TUSC3: variants seen among roughly 807,000 people sequenced by gnomAD.
TUSC3 encodes dolichyl-diphosphooligosaccharide--protein glycosyltransferase subunit TUSC3.
TUSC3 carries 45 observed loss-of-function variants against 44.8 expected under a neutral mutation model. That is an observed-to-expected ratio of 1.00 (90% CI 0.79 to 1.29). TUSC3 has a LOEUF of 1.29. Ranked by LOEUF, TUSC3 falls within the 50% of genes most tolerant of loss-of-function variation. TUSC3 has a pLI of 0.00. For missense variants in TUSC3, 519 were observed against 437.9 expected (o/e 1.19, Z -1.65); for synonymous variants, 212 against 152.9 (o/e 1.39, Z -2.85).
chr8:15,814,374 T>C, the TUSC3 span, among the ~76,000 whole-genome samples: 4 of 152,198 alleles, frequency 2.6e-5, no homozygotes, highest in African/African-American at 9.6e-5. Flanking sequence ...AAAAAAATCA[T>C]ATTTGAATAT....
At chr8:15,781,488 G>A in the TUSC3 span, among the ~76,000 whole-genome samples, 1 of 152,112 alleles carries the variant, frequency 6.6e-6, no homozygotes, top group Non-Finnish European at 1.5e-5. Flanking sequence ...CAAGGGAAAA[G>A]CAACTTGTTA....
intron 6 of TUSC3, among the ~76,000 whole-genome samples, chr8:15,682,838 G>T (rs1237767611): frequency 8.7e-5 from 13 of 150,050 alleles, no homozygotes; most frequent in African/African-American, 2.9e-4. Flanking sequence ...GCTGTTGTAA[G>T]GCCAGTCTTG....
the TUSC3 span, among the ~76,000 whole-genome samples, chr8:15,777,196 C>A: frequency 6.6e-6 from 1 of 152,056 alleles, no homozygotes; most frequent in Non-Finnish European, 1.5e-5. Context: ...TTCCAACTTC[C>A]AATCATATCA....
At chr8:15,848,211 G>A in the TUSC3 span, among the ~76,000 whole-genome samples, 8 of 152,210 alleles carry the variant, frequency 5.3e-5, no homozygotes, top group East Asian at 1.9e-4. Context: ...ATGGATCAAC[G>A]ACCTGCTTTC....
chr8:15,677,741 C>A (rs762494560), intron 6 of TUSC3, among the ~76,000 whole-genome samples: 1 of 152,110 alleles, frequency 6.6e-6, no homozygotes, highest in African/African-American at 2.4e-5. Flanking sequence ...CTACCAGGGC[C>A]AAGCCAGCAG....
chr8:15,479,823 A>G (rs1320183923), intron 1 of TUSC3, among the ~76,000 whole-genome samples: 1 of 152,206 alleles, frequency 6.6e-6, no homozygotes, highest in East Asian at 1.9e-4. Context: ...AGAGAAAGAA[A>G]TAAAGCGTAT....
At chr8:15,671,732 G>C (rs757875797) in intron 5 of TUSC3, among the ~76,000 whole-genome samples, 1 of 151,992 alleles carries the variant, frequency 6.6e-6, no homozygotes, top group Non-Finnish European at 1.5e-5. Context: ...GCTTCCTAAT[G>C]ACAGTTTTCT....
At chr8:15,603,341 A>C (rs1162021154) in intron 1 of TUSC3, among the ~76,000 whole-genome samples, 10 of 151,740 alleles carry the variant, frequency 6.6e-5, no homozygotes, top group Admixed American at 6.6e-4. Flanking sequence ...TCCTGGCAAC[A>C]GAATGCAAAA....
At chr8:15,727,943 A>G (rs2543139) in intron 6 of TUSC3, among the ~76,000 whole-genome samples, 128,297 of 152,154 alleles carry the variant, frequency 0.84, 54,500 homozygotes, top group African/African-American at 0.88. Context: ...CAGTTAGTAG[A>G]TGGCAAATTC....
At chr8:15,746,025 C>G (rs1405720244) in intron 8 of TUSC3, among the ~76,000 whole-genome samples, 3 of 152,084 alleles carry the variant, frequency 2.0e-5, no homozygotes, top group African/African-American at 7.2e-5. Flanking sequence ...AGAGTCCTCT[C>G]CCCATTGCTT....
chr8:15,711,146 T>C (rs140407499), intron 6 of TUSC3, among the ~76,000 whole-genome samples: 118 of 151,686 alleles, frequency 7.8e-4, no homozygotes, highest in African/African-American at 2.8e-3. Flanking sequence ...TCCTCTCCTC[T>C]CACTACCAGC....
At chr8:15,795,029 G>A in the TUSC3 span, among the ~76,000 whole-genome samples, 1 of 152,096 alleles carries the variant, frequency 6.6e-6, no homozygotes, top group Non-Finnish European at 1.5e-5. Flanking sequence ...AATAACTACT[G>A]TAATTAATCT....
rs1240347746 is a variant in TUSC3, at chr8:15,673,982, A to G, written c.798+146A>G. ...TTCTCATTTACTACCTGTGTCACCT[A>G]TATACACATGTGCATACACACACAC... On this transcript the variant is annotated intron_variant, in intron 6 of 10. Transcript: ENST00000503731. 8 of 672,508 alleles carry G rather than the reference A, an allele frequency of 1.2e-5. No individual in the cohort carries two copies. In the Admixed American group the frequency reaches 1.8e-4, roughly 15 times the overall value. The allele number at this position is 672,508 out of a possible 1,614,324, so 41.7% of individuals were successfully genotyped here.
intron 7 of TUSC3, among the ~76,000 whole-genome samples, chr8:15,731,157 G>T (rs1810706180): frequency 6.6e-6 from 1 of 152,054 alleles, no homozygotes; most frequent in African/African-American, 2.4e-5. Flanking sequence ...GGTTCAACAT[G>T]CCTTTTTGGA....
chr8:15,713,938 G>A (rs1290636389), intron 6 of TUSC3, among the ~76,000 whole-genome samples: 2 of 152,002 alleles, frequency 1.3e-5, no homozygotes, highest in East Asian at 3.9e-4. Flanking sequence ...TCACAACCGT[G>A]GCCTCATTTG....
intron 1 of TUSC3, among the ~76,000 whole-genome samples, chr8:15,582,298 C>A (rs576733745): frequency 5.3e-5 from 8 of 152,136 alleles, no homozygotes; most frequent in Admixed American, 1.3e-4. Context: ...AGCTGTAGAC[C>A]GGAGCTGTTC....
chr8:15,637,989 C>A (rs757376989), intron 2 of TUSC3, among the ~76,000 whole-genome samples: 1 of 152,128 alleles, frequency 6.6e-6, no homozygotes. Flanking sequence ...AGTTGTTTCC[C>A]ACTCCCCACA....
the TUSC3 span, among the ~76,000 whole-genome samples, chr8:15,816,423 A>G: frequency 2.0e-5 from 3 of 152,180 alleles, no homozygotes; most frequent in Admixed American, 6.5e-5. Flanking sequence ...ATTTATTAAT[A>G]ATTCTGATAG....
chr8:15,573,174 C>T (rs987127272), intron 1 of TUSC3, among the ~76,000 whole-genome samples: 1,861 of 74,972 alleles, frequency 0.025, 37 homozygotes, highest in East Asian at 0.15. Flanking sequence ...CTCTTTCTCT[C>T]TCTCTCTCTC....
Sources: gnomAD v4.1 joint callset for allele counts (sites outside exome capture counted in the v4.1 genomes callset) on GRCh38, gnomAD v4.1.1 for gene constraint, MANE v1.5 for transcripts, NCBI Gene and HGNC (gene_info 2026-07-23, HGNC 2026-07-21) for gene names.